SLF1: variants seen among roughly 807,000 people sequenced by gnomAD.
The protein encoded by SLF1 is SMC5/6 complex localization factor 1.
In SLF1, 105 loss-of-function variants were observed where a neutral mutation model predicts 123.0. That is an observed-to-expected ratio of 0.85 (90% CI 0.73 to 1.00). The LOEUF is 1.00. SLF1 is among the 50% of genes least tolerant of loss of function. SLF1 has a pLI of 0.00. For synonymous variants in SLF1, 434 were observed against 406.6 expected, an observed-to-expected ratio of 1.07 and a Z score of -0.81; for missense variants, 1,239 against 1,223.0, an observed-to-expected ratio of 1.01 and a Z score of -0.20.
chr5:94,623,496 C>CT (rs901876692), intron 1 of SLF1, among the ~76,000 whole-genome samples: 8 of 151,266 alleles, frequency 5.3e-5, no homozygotes, highest in African/African-American at 1.9e-4. Flanking sequence ...TTTTTCCCTC[C>CT]TTTTTTTTGG....
intron 4 of SLF1, among the ~76,000 whole-genome samples, chr5:94,631,977 TTTTTTTTTTTTC>T (rs1408086610): frequency 1.6e-5 from 2 of 127,008 alleles, no homozygotes; most frequent in Non-Finnish European, 3.2e-5. Flanking sequence ...TTTCTTTTTT[TTTTTTTTTTTTC>T]CAAATTAAAT....
At position 94,643,871 on chromosome 5, in the gene SLF1, TC is replaced by T. The variant is rs1272078255; in HGVS notation, c.594+438del. On this transcript the variant is annotated intron_variant, in intron 5 of 20. Transcript: ENST00000265140. ...GGGCATCAAACCCTAGAAGAAACTG[TC>T]CAGGAGATAAGCAAAGAAGAATTTT... is the stretch of plus-strand genomic sequence containing the variant. 2.0e-5 allele frequency among the ~76,000 whole-genome samples: 3 copies of T among 152,056 alleles called. No homozygotes were observed. The South Asian group carries it at 6.2e-4, about 31-fold the overall frequency.
chr5:94,675,918 T>TC (rs1390631558), intron 14 of SLF1, among the ~76,000 whole-genome samples: 1 of 151,304 alleles, frequency 6.6e-6, no homozygotes, highest in Non-Finnish European at 1.5e-5. Context: ...TTTTTTTTTT[T>TC]TTTTTTTTAA....
intron 14 of SLF1, 33 bp downstream of exon 14, chr5:94,671,041 A>T: frequency 7.2e-7 from 1 of 1,389,094 alleles, no homozygotes; most frequent in Non-Finnish European, 9.8e-7. Flanking sequence ...TGAATAGTCT[A>T]TGGAAACAGC....
chr5:94,636,378 C>T (rs888714219), intron 4 of SLF1, among the ~76,000 whole-genome samples: 1 of 152,064 alleles, frequency 6.6e-6, no homozygotes, highest in East Asian at 1.9e-4. Context: ...GCTTTCTGGT[C>T]CCTTTCCTCT....
chr5:94,688,050 A>AT (rs753531386), intron 16 of SLF1, among the ~76,000 whole-genome samples: 12 of 151,208 alleles, frequency 7.9e-5, no homozygotes, highest in African/African-American at 2.2e-4. Context: ...ATCTTTAGAT[A>AT]TTAGTCAAAT....
chr5:94,640,429 T>C (rs1746314544), intron 4 of SLF1, among the ~76,000 whole-genome samples: 1 of 152,200 alleles, frequency 6.6e-6, no homozygotes, highest in South Asian at 2.1e-4. Flanking sequence ...CATTGGTTTT[T>C]ACTAGTTTGA....
intron 8 of SLF1, among the ~76,000 whole-genome samples, chr5:94,653,930 G>T (rs563262683): frequency 6.6e-6 from 1 of 151,974 alleles, no homozygotes; most frequent in Non-Finnish European, 1.5e-5. Flanking sequence ...CAGCACTCTG[G>T]GAGGCCAACG....
rs1313061480 is a variant in SLF1, at chr5:94,618,714, C to A, written c.-52C>A. Reference sequence around the variant, plus strand: ...AGCAGTTGAGTGCTGCAGCGGCAGTCGTCGCCCCTGCCGCCGCTGCCACCG... The same window carrying A: ...AGCAGTTGAGTGCTGCAGCGGCAGTAGTCGCCCCTGCCGCCGCTGCCACCG... On this transcript the variant is annotated 5_prime_UTR_variant, in exon 1 of 21. Transcript: ENST00000265140. 1 of 154,816 alleles carries A rather than the reference C, an allele frequency of 6.5e-6. No individual in the cohort carries two copies. The highest frequency in any genetic ancestry group is 1.5e-5 in the Non-Finnish European group (1 of 68,310). The allele number at this position is 154,816 out of a possible 1,614,324, so 9.6% of individuals were successfully genotyped here.
chr5:94,656,630 T>C (rs546797476), intron 9 of SLF1, among the ~76,000 whole-genome samples: 1 of 152,104 alleles, frequency 6.6e-6, no homozygotes, highest in African/African-American at 2.4e-5. Flanking sequence ...GGCTTTTTAT[T>C]TGTTGTGAGA....
chr5:94,671,733 A>G (rs953482097), intron 14 of SLF1, among the ~76,000 whole-genome samples: 3 of 149,548 alleles, frequency 2.0e-5, no homozygotes, highest in Non-Finnish European at 4.5e-5. Context: ...TCCACCTAAT[A>G]TAAATTACCT....
chr5:94,693,754 CTTT>C (rs35927042), intron 20 of SLF1, among the ~76,000 whole-genome samples: 2 of 129,740 alleles, frequency 1.5e-5, no homozygotes, highest in Non-Finnish European at 1.7e-5. Flanking sequence ...GTAATTTTGT[CTTT>C]TTTTTTTTTT....
chr5:94,687,514 T>C (rs771572960), intron 16 of SLF1, among the ~76,000 whole-genome samples: 3 of 151,998 alleles, frequency 2.0e-5, no homozygotes, highest in Non-Finnish European at 4.4e-5. Flanking sequence ...CTGGGCAACA[T>C]AGCAATACTC....
chr5:94,624,400 C>A (rs1792050982), intron 1 of SLF1, among the ~76,000 whole-genome samples: 1 of 152,138 alleles, frequency 6.6e-6, no homozygotes. Context: ...CAAAGTGGGT[C>A]ATTTCCATCA....
intron 6 of SLF1, 66 bp downstream of exon 6, chr5:94,649,663 G>C: frequency 7.7e-7 from 1 of 1,304,948 alleles, no homozygotes; most frequent in Non-Finnish European, 1.0e-6. Context: ...AAGAGGCAAA[G>C]TATGGTGGAA....
intron 16 of SLF1, among the ~76,000 whole-genome samples, chr5:94,688,171 C>T (rs1456035078): frequency 6.6e-6 from 1 of 151,700 alleles, no homozygotes; most frequent in African/African-American, 2.4e-5. Context: ...TACAAAATAC[C>T]AGTTGTATGT....
intron 7 of SLF1, among the ~76,000 whole-genome samples, chr5:94,652,568 A>T (rs1747863797): frequency 6.6e-6 from 1 of 152,130 alleles, no homozygotes; most frequent in South Asian, 2.1e-4. Flanking sequence ...TTTACTGTTG[A>T]TAAGCCTTTG....
rs529447197 is a variant in SLF1 at position 94,639,593 on chromosome 5, CA to C, written c.432-3679del. On this transcript the variant is annotated intron_variant, in intron 4 of 20. Coordinates refer to ENST00000265140, the MANE Select transcript of SLF1 (RefSeq NM_032290.4). ...GGGATTGGAGTGCTGACCCCCTGTG[CA>C]GTTGAAAATTCATGTATAACTTGAC... is the stretch of plus-strand genomic sequence containing the variant. Among the ~76,000 whole-genome samples, 423 of 152,232 alleles carry C rather than the reference CA, an allele frequency of 2.8e-3. 1 individual carries two copies. Among genetic ancestry groups the C allele is most frequent in the African/African-American group, 9.9e-3 (412 of 41,534 alleles).
intron 14 of SLF1, among the ~76,000 whole-genome samples, chr5:94,672,883 G>C (rs566993932): frequency 6.6e-6 from 1 of 152,086 alleles, no homozygotes; most frequent in East Asian, 1.9e-4. Context: ...AATTGCATTT[G>C]AGAAGTTATT....
Sources: allele counts gnomAD v4.1 joint callset (sites outside exome capture counted in the v4.1 genomes callset), GRCh38; gene constraint gnomAD v4.1.1; transcripts MANE v1.5; gene names NCBI Gene and HGNC (gene_info 2026-07-23, HGNC 2026-07-21).